The following RFWD3 variants were observed in gnomAD, a reference collection of about 807,000 sequenced individuals.
The protein encoded by RFWD3 is ring finger and WD repeat domain 3.
Under a neutral mutation model 87.7 loss-of-function variants are expected in RFWD3, and 65 were observed. That is an observed-to-expected ratio of 0.74 (90% CI 0.61 to 0.91). RFWD3 has a LOEUF of 0.91. Among genes scored for constraint, RFWD3 ranks in the 40% least tolerant of loss-of-function variants. RFWD3 has a pLI of 0.00. For missense variants in RFWD3, 1,078 were observed against 938.5 expected, an observed-to-expected ratio of 1.15 and a Z score of -1.94; for synonymous variants, 433 against 352.8, an observed-to-expected ratio of 1.23 and a Z score of -2.55.
At chr16:74,643,102 C>A (rs1959798208) in intron 6 of RFWD3, among the ~76,000 whole-genome samples, 1 of 152,116 alleles carries the variant, frequency 6.6e-6, no homozygotes, top group South Asian at 2.1e-4. Flanking sequence ...AGGAAGAAAA[C>A]TAAAATAATC....
chr16:74,656,771 T>C (rs529003825), intron 2 of RFWD3, among the ~76,000 whole-genome samples: 3 of 152,270 alleles, frequency 2.0e-5, no homozygotes, highest in African/African-American at 7.2e-5. Flanking sequence ...CCACCATCCT[T>C]GATGCCCCTA....
intron 6 of RFWD3, among the ~76,000 whole-genome samples, chr16:74,639,131 C>G (rs977166518): frequency 2.0e-4 from 30 of 151,228 alleles, no homozygotes. Context: ...CTCCGCCCCC[C>G]GGGTTCAAGA....
chr16:74,646,925 CAACA>C (rs1960194043), intron 4 of RFWD3, among the ~76,000 whole-genome samples: 1 of 82,154 alleles, frequency 1.2e-5, no homozygotes, highest in Non-Finnish European at 2.4e-5. Context: ...ACAACAACAA[CAACA>C]ACAACAAAAT....
chr16:74,641,548 T>G (rs1323898685), intron 6 of RFWD3, among the ~76,000 whole-genome samples: 4 of 152,080 alleles, frequency 2.6e-5, no homozygotes, highest in African/African-American at 9.7e-5. Context: ...TCAACTAGGA[T>G]ATACTCCCAA....
chr16:74,665,522 G>A (rs1961812502), intron 1 of RFWD3, among the ~76,000 whole-genome samples: 1 of 151,604 alleles, frequency 6.6e-6, no homozygotes, highest in Non-Finnish European at 1.5e-5. Flanking sequence ...AGGTTGCAGT[G>A]AGCCGAGATC....
chr16:74,630,013 G>C (rs1959041995), intron 10 of RFWD3, among the ~76,000 whole-genome samples: 1 of 152,154 alleles, frequency 6.6e-6, no homozygotes, highest in African/African-American at 2.4e-5. Flanking sequence ...AAACAAGTTG[G>C]TTTAGCTTTG....
rs147029804 is a variant in RFWD3, at chr16:74,629,401, G to A, written c.1755-735C>T. Reference sequence around the variant, plus strand: ...TGGCTGGGCATGGTGGCTCACGCCTGTAATCCCAGCACTTCGGGAAGCCGA... The same window carrying A: ...TGGCTGGGCATGGTGGCTCACGCCTATAATCCCAGCACTTCGGGAAGCCGA... On this transcript the variant is annotated intron_variant, in intron 10 of 12. Transcript: ENST00000361070. Among the ~76,000 whole-genome samples the A allele has an allele frequency of 1.7e-4, 26 of 152,326 alleles. No individual in the cohort carries two copies. The East Asian group carries it at 2.7e-3, about 16-fold the overall frequency.
intron 2 of RFWD3, among the ~76,000 whole-genome samples, chr16:74,655,264 G>A (rs561928617): frequency 1.3e-5 from 2 of 150,662 alleles, no homozygotes; most frequent in South Asian, 4.2e-4. Context: ...TTTTGAGACA[G>A]AGTCTCACTT....
chr16:74,636,302 G>T, intron 8 of RFWD3, 44 bp downstream of exon 8: 1 of 1,519,356 alleles, frequency 6.6e-7, no homozygotes, highest in Non-Finnish European at 9.1e-7. Context: ...TAAATATATG[G>T]AGTCTAATAA....
In RFWD3 at chr16:74,632,439, T is replaced by C. The variant is rs1959128809; in HGVS notation, c.1577+84A>G. ...CAACAACAACAACAAAAAACAGAGC[T>C]AAGGTCATCATAACACCGATACGAA... On this transcript the variant is annotated intron_variant, in intron 9 of 12. Coordinates refer to ENST00000361070, the MANE Select transcript of RFWD3 (RefSeq NM_018124.4). The C allele has an allele frequency of 2.1e-6, 3 of 1,444,134 alleles. No individual in the cohort carries two copies. The African/African-American group carries it at 4.2e-5, about 20-fold the overall frequency. 89.5% of individuals were successfully genotyped at this position (1,444,134 alleles called of 1,614,324 possible). A position where few individuals can be genotyped will look rare whatever the true frequency, so the allele number is the denominator to read the frequency against.
intron 6 of RFWD3, among the ~76,000 whole-genome samples, chr16:74,639,250 C>G (rs1258803097): frequency 2.0e-5 from 3 of 152,106 alleles, no homozygotes; most frequent in Non-Finnish European, 2.9e-5. Context: ...GTTGCCCAGG[C>G]TGGTCTCAAA....
intron 8 of RFWD3, among the ~76,000 whole-genome samples, chr16:74,633,941 C>A (rs1272910089): frequency 6.6e-6 from 1 of 151,300 alleles, no homozygotes; most frequent in Non-Finnish European, 1.5e-5. Flanking sequence ...GAGATCACAC[C>A]CCTCCCTGCA....
intron 3 of RFWD3, 111 bp downstream of exon 3, chr16:74,651,809 T>C: frequency 2.2e-6 from 2 of 924,848 alleles, no homozygotes; most frequent in Non-Finnish European, 3.4e-6. Context: ...ATCCACAACA[T>C]TTAGGGGAGA....
chr16:74,653,355 A>T (rs1431957843), intron 2 of RFWD3, among the ~76,000 whole-genome samples: 1 of 151,782 alleles, frequency 6.6e-6, no homozygotes, highest in Non-Finnish European at 1.5e-5. Flanking sequence ...AAAACAAAAA[A>T]ATGACACCCA....
intron 10 of RFWD3, 46 bp downstream of exon 10, chr16:74,630,735 C>G (rs1567567797): frequency 6.6e-7 from 1 of 1,512,528 alleles, no homozygotes; most frequent in Non-Finnish European, 8.9e-7. Context: ...AATAATAAGC[C>G]AAGAGAAAGC....
chr16:74,635,101 A>C (rs1018682959), intron 8 of RFWD3, among the ~76,000 whole-genome samples: 13 of 152,190 alleles, frequency 8.5e-5, no homozygotes, highest in Middle Eastern at 6.8e-3. Flanking sequence ...TAACACGGTG[A>C]AACTCCGTCT....
Position 74,655,258 on chromosome 16 carries a change from G to A in RFWD3, c.519-3136C>T, listed in dbSNP as rs888043404. ...GTTGAAGCCGATGCTCTTTTTTTTTGAGACAGAGTCTCACTTTGTCGCCCA... is the reference window on the plus strand; with the variant it reads ...GTTGAAGCCGATGCTCTTTTTTTTTAAGACAGAGTCTCACTTTGTCGCCCA... On this transcript the variant is annotated intron_variant, in intron 2 of 12. Coordinates refer to ENST00000361070, the MANE Select transcript of RFWD3 (RefSeq NM_018124.4). Among the ~76,000 whole-genome samples the A allele has an allele frequency of 4.0e-5, 6 of 149,708 alleles. No individual in the cohort carries two copies. In the East Asian group the frequency reaches 1.2e-3, roughly 30 times the overall value.
At chr16:74,636,729 T>G in intron 7 of RFWD3, 152 bp from the exon 8 acceptor site, 1 of 673,560 alleles carries the variant, frequency 1.5e-6, no homozygotes, top group Non-Finnish European at 2.4e-6. Context: ...TGTTTTTTTT[T>G]TTAAGACGGA....
At chr16:74,655,420 T>G (rs937572029) in intron 2 of RFWD3, among the ~76,000 whole-genome samples, 6 of 151,708 alleles carry the variant, frequency 4.0e-5, no homozygotes, top group Admixed American at 3.9e-4. Flanking sequence ...TTTTTTTTTT[T>G]GTATTTTTAG....
Sources: allele counts gnomAD v4.1 joint callset (sites outside exome capture counted in the v4.1 genomes callset), GRCh38; gene constraint gnomAD v4.1.1; transcripts MANE v1.5; gene names NCBI Gene and HGNC (gene_info 2026-07-23, HGNC 2026-07-21).